Variants in UBA7 observed in about 807,000 individuals in gnomAD.
The protein encoded by UBA7 is ubiquitin-like modifier-activating enzyme 7.
A neutral mutation model predicts 113.0 loss-of-function variants in UBA7; 88 were observed. That is an observed-to-expected ratio of 0.78 (90% CI 0.66 to 0.93). UBA7 has a LOEUF of 0.93. Ranked by LOEUF, UBA7 falls within the 40% of genes least tolerant of loss-of-function variation. The pLI is 0.00. For synonymous variants in UBA7, 459 were observed against 513.0 expected (o/e 0.89, Z 1.42); for missense variants, 1,092 against 1,266.4 (o/e 0.86, Z 2.09).
rs199582813 is a variant in UBA7 at position 49,806,043 on chromosome 3, C to G, written c.2808+30G>C. Reference sequence around the variant, plus strand: ...ACCAGCTGGGCCGGGCTGGGCTGAGCCTGGGGGTTGGGGTAGCAACAGGGC... The same window carrying G: ...ACCAGCTGGGCCGGGCTGGGCTGAGGCTGGGGGTTGGGGTAGCAACAGGGC... On this transcript the variant is annotated intron_variant, in intron 22 of 23. Transcript: ENST00000333486. The G allele has an allele frequency of 5.7e-6, 9 of 1,576,208 alleles. No homozygotes were observed. The Admixed American group carries it at 1.7e-4, about 29-fold the overall frequency.
At chr3:49,805,634 C>T (rs1325869681) in intron 23 of UBA7, among the ~76,000 whole-genome samples, 197 bp from the exon 24 acceptor site, 1 of 152,070 alleles carries the variant, frequency 6.6e-6, no homozygotes, top group African/African-American at 2.4e-5. Flanking sequence ...CTATGGGTCC[C>T]TTGGGAGTGG....
At chr3:49,811,160 T>A in intron 9 of UBA7, 69 bp from the exon 10 acceptor site, 3 of 1,603,324 alleles carry the variant, frequency 1.9e-6, no homozygotes, top group Non-Finnish European at 2.6e-6. Context: ...GGCTGGAGGC[T>A]TCACCCAGGT....
chr3:49,809,460 A>G lies in UBA7; in HGVS notation c.2093T>C (p.Leu698Pro). Residue 698 changes from leucine to proline, a missense_variant, in exon 17 of 24, where the codon CTT becomes CCT. Physicochemically the swap from Leu to Pro is moderately conservative, Grantham distance 98. Around this residue, in one of 3 missense-constraint regions of UBA7, gnomAD observed 500 missense variants for 529.3 expected, o/e 0.94. Coordinates refer to ENST00000333486, the MANE Select transcript of UBA7 (RefSeq NM_003335.3). ...LLRHFPPNKV[L>P]EDGTPFWSGP... is the part of the protein sequence containing the mutation. ...TGACCAGAAGGGAGTTCCATCCTCA[A>G]GCACCTAGGTAGGTAAGTAGAAGCT... 1 of 1,614,158 alleles carries G rather than the reference A, an allele frequency of 6.2e-7. No homozygotes were observed. Among genetic ancestry groups the G allele is most frequent in the Non-Finnish European group, 8.5e-7 (1 of 1,180,020 alleles).
Position 49,810,213 on chromosome 3 carries a change from G to A in UBA7, c.1634-30C>T, listed in dbSNP as rs775769899. On this transcript the variant is annotated intron_variant, in intron 13 of 23. Transcript: ENST00000333486. The surrounding 1 kb of genome is among the most constrained non-coding windows in gnomAD (Gnocchi z 5.6). ...CAAGGGAGCAGTGGGTCAGAAGTGG[G>A]ACTGGCACAGCTGTGGGCAAGGGAC... 9 of 1,612,546 alleles carry A rather than the reference G, an allele frequency of 5.6e-6. No individual in the cohort carries two copies. Among genetic ancestry groups the A allele is most frequent in the South Asian group, 3.3e-5 (3 of 91,042 alleles).
chr3:49,811,555 G>A (rs1458018970), intron 8 of UBA7, 100 bp from the exon 9 acceptor site: 2 of 1,484,790 alleles, frequency 1.3e-6, no homozygotes, highest in East Asian at 2.5e-5. Flanking sequence ...CCACAGAAGA[G>A]GAAGCAGAAG....
At position 49,810,060 on chromosome 3, in the gene UBA7, G is replaced by A. The variant is rs1329478680; in HGVS notation, c.1757C>T (p.Ala586Val). The stretch of plus-strand genomic sequence containing the variant: ...GGCATCCTCAGAAGCTGCAGCTGAG[G>A]CAGGGGCTCTGTAGGCCTCAGTCAC... ...PHVTEAYRAP[A>V]SAAASEDAPY... The change falls in exon 14 of 24, where the codon GCC becomes GTC. Residue 586 changes from alanine to valine, a missense_variant. Coordinates refer to ENST00000333486, the MANE Select transcript of UBA7 (RefSeq NM_003335.3). The surrounding 1 kb of genome is among the most constrained non-coding windows in gnomAD (Gnocchi z 5.6). 6.2e-7 allele frequency: 1 copy of A among 1,613,642 alleles called. No individual in the cohort carries two copies. The highest frequency in any genetic ancestry group is 1.1e-5 in the South Asian group (1 of 91,086).
chr3:49,811,879 GGGCTGGGGT>G lies in UBA7; in HGVS notation c.921_929del (p.Pro308_Pro310del), dbSNP rs760330309. On this transcript the variant is annotated inframe_deletion, in exon 8 of 24. Transcript: ENST00000333486. ...CAACAGGACTACTCACAGGATCCCAGGGCTGGGGTGGCCGGCCATGGAGGTGCTGGAACT... is the reference window on the plus strand; with the variant it reads ...CAACAGGACTACTCACAGGATCCCAGGGCCGGCCATGGAGGTGCTGGAACT... The G allele has an allele frequency of 5.6e-6, 9 of 1,613,662 alleles. No individual in the cohort carries two copies. Among genetic ancestry groups the G allele is most frequent in the Non-Finnish European group, 7.6e-6 (9 of 1,180,016 alleles).
chr3:49,805,841 C>T, intron 23 of UBA7, 56 bp downstream of exon 23: 1 of 1,501,508 alleles, frequency 6.7e-7, no homozygotes, highest in Non-Finnish European at 9.1e-7. Context: ...AGTGTGGTCC[C>T]TAGCCCCAGC....
At position 49,812,019 on chromosome 3, in the gene UBA7, G is replaced by T. The variant is rs759424129; in HGVS notation, c.793-3C>A. 6.2e-7 allele frequency: 1 copy of T among 1,614,190 alleles called. No individual in the cohort carries two copies. Among genetic ancestry groups the T allele is most frequent in the South Asian group, 1.1e-5 (1 of 91,088 alleles). On this transcript the variant is annotated splice_region_variant and splice_polypyrimidine_tract_variant and intron_variant, in intron 7 of 23. Transcript: ENST00000333486. Reference sequence around the variant, plus strand: ...AGCAGGGCTGTGTCCAGGGACTTCTGCAAGGGCACCTGGCTCAGGGTCTAG... The same window carrying T: ...AGCAGGGCTGTGTCCAGGGACTTCTTCAAGGGCACCTGGCTCAGGGTCTAG...
chr3:49,809,229 T>C, intron 17 of UBA7, 70 bp from the exon 18 acceptor site: 1 of 1,550,572 alleles, frequency 6.4e-7, no homozygotes, highest in South Asian at 1.2e-5. Flanking sequence ...CATTTGTGGA[T>C]CTGTTTGAGT....
chr3:49,813,148 T>A lies in UBA7; in HGVS notation c.381A>T (p.Ala127=). ...LDFQVVVLTA[A]KLEEQLKVGT... ...CCACCTTCAGCTGCTCCTCCAGCTT[T>A]GCAGCAGTCAGCACCACCACCTGGG... is the stretch of plus-strand genomic sequence containing the variant. The change falls in exon 4 of 24, where the codon GCA becomes GCT. Residue 127 remains alanine (A), a synonymous_variant. Transcript: ENST00000333486. The A allele has an allele frequency of 1.9e-6, 3 of 1,614,170 alleles. No homozygotes were observed. The Middle Eastern group carries it at 4.9e-4, about 266-fold the overall frequency.
rs1559435785 is a variant in UBA7, at chr3:49,810,956, G to A, written c.1230+28C>T. On this transcript the variant is annotated intron_variant, in intron 10 of 23. Coordinates refer to ENST00000333486, the MANE Select transcript of UBA7 (RefSeq NM_003335.3). The surrounding 1 kb of genome is among the most constrained non-coding windows in gnomAD (Gnocchi z 5.6). ...CTCCCCTAGTCCTGATTTTGGACAA[G>A]GCTTGCACCCCTATCCCAGGCTCTC... 1 of 1,613,052 alleles carries A rather than the reference G, an allele frequency of 6.2e-7. No homozygotes were observed. The highest frequency in any genetic ancestry group is 8.5e-7 in the Non-Finnish European group (1 of 1,179,208).
At chr3:49,805,712 G>C (rs1339003746) in intron 23 of UBA7, among the ~76,000 whole-genome samples, 185 bp downstream of exon 23, 1 of 152,152 alleles carries the variant, frequency 6.6e-6, no homozygotes, top group Non-Finnish European at 1.5e-5. Flanking sequence ...AGCTCCTGAA[G>C]ACTCCTCCTC....
chr3:49,810,215 C>T lies in UBA7; in HGVS notation c.1634-32G>A, dbSNP rs759786104. 11 of 1,612,470 alleles carry T rather than the reference C, an allele frequency of 6.8e-6. No homozygotes were observed. The highest frequency in any genetic ancestry group is 1.7e-4 in the Middle Eastern group (1 of 6,054). ...AGGGAGCAGTGGGTCAGAAGTGGGA[C>T]TGGCACAGCTGTGGGCAAGGGACTG... On this transcript the variant is annotated intron_variant, in intron 13 of 23. Coordinates refer to ENST00000333486, the MANE Select transcript of UBA7 (RefSeq NM_003335.3). The surrounding 1 kb of genome is among the most constrained non-coding windows in gnomAD (Gnocchi z 5.6).
At position 49,810,122 on chromosome 3, in the gene UBA7, C is replaced by T. The variant is rs201738297; in HGVS notation, c.1695G>A (p.Ser565=). The T allele has an allele frequency of 2.9e-5, 46 of 1,612,690 alleles. 1 individual carries two copies. Among genetic ancestry groups the T allele is most frequent in the East Asian group, 2.0e-4 (9 of 44,872 alleles). ...YLKPLLEAGT[S]GTWGSATVFM... ...ATACTGTAGCACTGCCCCAGGTGCC[C>T]GATGTGCCTGCCTCCAGCAGTGGCT... The change falls in exon 14 of 24, where the codon TCG becomes TCA. Residue 565 remains serine, a synonymous_variant. Coordinates refer to ENST00000333486, the MANE Select transcript of UBA7 (RefSeq NM_003335.3). The surrounding 1 kb of genome is among the most constrained non-coding windows in gnomAD (Gnocchi z 5.6).
At chr3:49,805,521 G>A in intron 23 of UBA7, 84 bp from the exon 24 acceptor site, 1 of 1,360,156 alleles carries the variant, frequency 7.4e-7, no homozygotes, top group Non-Finnish European at 1.0e-6. Flanking sequence ...AGAGGGTGCT[G>A]GCAGGCCGTC....
At position 49,810,364 on chromosome 3, in the gene UBA7, G is replaced by A. The variant is rs770070157; in HGVS notation, c.1532C>T (p.Pro511Leu). The change falls in exon 13 of 24, where the codon CCG (proline) becomes CTG (leucine). Residue 511 changes from proline (P) to leucine (L), a missense_variant. Around this residue, in one of 3 missense-constraint regions of UBA7, gnomAD observed 584 missense variants for 714.5 expected, o/e 0.82. Transcript: ENST00000333486. This position sits in a 1 kb window ranked among gnomAD's most constrained non-coding sequence, Gnocchi z 5.6. Reference protein sequence around the residue: ...RGLNPDLQVIPLTYPLDPTTE... With the variant: ...RGLNPDLQVILLTYPLDPTTE... The stretch of plus-strand genomic sequence containing the variant: ...GGTGGGATCCAGTGGGTAGGTGAGC[G>A]GGATCACCTGTAAGTCTGGGTTCAG... 2.2e-5 allele frequency: 35 copies of A among 1,614,130 alleles called. No homozygotes were observed. The highest frequency in any genetic ancestry group is 3.3e-4 in the Middle Eastern group (2 of 6,062).
chr3:49,808,333 C>G, intron 19 of UBA7, 53 bp downstream of exon 19: 1 of 1,609,816 alleles, frequency 6.2e-7, no homozygotes. Context: ...TAGCTCCTGA[C>G]CTTTCTCCAC....
intron 8 of UBA7, 110 bp downstream of exon 8, chr3:49,811,760 T>G: frequency 3.3e-6 from 5 of 1,537,142 alleles, no homozygotes; most frequent in Middle Eastern, 2.4e-4. Context: ...CTCTAAAGGC[T>G]GCAGTGTTGG....
Sources: allele counts gnomAD v4.1 joint callset (sites outside exome capture counted in the v4.1 genomes callset), GRCh38; gene constraint gnomAD v4.1.1; regional missense constraint gnomAD v4.1.1; non-coding constraint Gnocchi (gnomAD v3.1); transcripts MANE v1.5; gene names NCBI Gene and HGNC (gene_info 2026-07-23, HGNC 2026-07-21).